NINJ2: variants seen among roughly 807,000 people sequenced by gnomAD.
NINJ2 encodes the protein ninjurin 2, also known as ninjurin-2.
NINJ2 carries 12 observed loss-of-function variants against 11.7 expected under a neutral mutation model. The observed-to-expected ratio is 1.02, with a 90% confidence interval of 0.66 to 1.66. NINJ2 has a LOEUF of 1.66. Among genes scored for constraint, NINJ2 ranks in the 40% most tolerant of loss-of-function variants. NINJ2 has a pLI of 0.00. For synonymous variants in NINJ2, 93 were observed against 76.8 expected, an observed-to-expected ratio of 1.21 and a Z score of -1.10; for missense variants, 187 against 181.8, an observed-to-expected ratio of 1.03 and a Z score of -0.16.
intron 1 of NINJ2, among the ~76,000 whole-genome samples, chr12:652,740 A>G (rs373043731): frequency 6.6e-6 from 1 of 151,916 alleles, no homozygotes; most frequent in Non-Finnish European, 1.5e-5. Context: ...TTGAGGTCAC[A>G]AGTTCAAGAC....
chr12:593,603 T>A (rs1947744274), intron 1 of NINJ2, among the ~76,000 whole-genome samples: 1 of 152,068 alleles, frequency 6.6e-6, no homozygotes, highest in East Asian at 1.9e-4. Context: ...TAGTTCCAGC[T>A]ACTCAAGAGG....
At chr12:609,208 CCA>C (rs1947983611) in intron 1 of NINJ2, among the ~76,000 whole-genome samples, 1 of 129,606 alleles carries the variant, frequency 7.7e-6, no homozygotes, top group African/African-American at 3.0e-5. Context: ...ACGCACGGCG[CCA>C]CGCGCTAGGG....
chr12:590,247 C>T (rs1204255555), intron 1 of NINJ2, among the ~76,000 whole-genome samples: 2 of 152,234 alleles, frequency 1.3e-5, no homozygotes, highest in South Asian at 2.1e-4. Flanking sequence ...GGAAGCGGCT[C>T]GAAGGATGGG....
intron 1 of NINJ2, among the ~76,000 whole-genome samples, chr12:620,365 G>A (rs1948137755): frequency 6.6e-6 from 1 of 152,234 alleles, no homozygotes; most frequent in Non-Finnish European, 1.5e-5. Flanking sequence ...GAAGGGGAGA[G>A]GGTCTCAGAC....
chr12:655,952 A>AATAG (rs570898554), intron 1 of NINJ2, among the ~76,000 whole-genome samples: 2 of 152,004 alleles, frequency 1.3e-5, no homozygotes, highest in African/African-American at 4.8e-5. Flanking sequence ...ATATAAAATA[A>AATAG]ATAGATAGAT....
rs191080347 is a variant in NINJ2, at chr12:637,077, A to G, written c.33+26251T>C. Among the ~76,000 whole-genome samples, 232 of 152,362 alleles carry G rather than the reference A, an allele frequency of 1.5e-3. 1 individual carries two copies. The highest frequency in any genetic ancestry group is 2.6e-3 in the Non-Finnish European group (180 of 68,040). On this transcript the variant is annotated intron_variant, in intron 1 of 3. Coordinates refer to ENST00000305108, the MANE Select transcript of NINJ2 (RefSeq NM_016533.6). ...GAAAGGAAGGAAATTCTGGCCAGGC[A>G]CAGTGGCTCACACCTGTAATCCCAG...
At chr12:654,591 C>T (rs1366569717) in intron 1 of NINJ2, among the ~76,000 whole-genome samples, 1 of 150,514 alleles carries the variant, frequency 6.6e-6, no homozygotes, top group Admixed American at 6.6e-5. Context: ...AGGACTGGTT[C>T]AACATTTGAA....
intron 3 of NINJ2, 53 bp from the exon 4 acceptor site, chr12:564,734 C>G (rs1039023716): frequency 1.3e-5 from 2 of 152,596 alleles, no homozygotes; most frequent in Non-Finnish European, 2.9e-5. Flanking sequence ...GATCAATGCC[C>G]CTCAACCTTC....
intron 1 of NINJ2, among the ~76,000 whole-genome samples, chr12:594,193 T>A (rs1947753890): frequency 6.6e-6 from 1 of 151,472 alleles, no homozygotes; most frequent in Admixed American, 6.6e-5. Context: ...TTGAAAATAA[T>A]AAAGAAAATC....
chr12:607,349 AG>A lies in NINJ2; in HGVS notation c.34-41172del, dbSNP rs1380723637. On this transcript the variant is annotated intron_variant, in intron 1 of 3. Coordinates refer to ENST00000305108, the MANE Select transcript of NINJ2 (RefSeq NM_016533.6). ...TTGACTACATAGTAGGTACTCTGTA[AG>A]GGATGATGATGATGATGATGATGAT... is the stretch of plus-strand genomic sequence containing the variant. Among the ~76,000 whole-genome samples the A allele has an allele frequency of 3.4e-3, 226 of 66,574 alleles. 6 individuals carry two copies. In the South Asian group the frequency reaches 0.054, roughly 16 times the overall value. The allele number at this position is 66,574 out of a possible 152,430, so 43.7% of individuals were successfully genotyped here. A position where few individuals can be genotyped will look rare whatever the true frequency, so the allele number is the denominator to read the frequency against.
chr12:649,994 T>C (rs1369896343), intron 1 of NINJ2, among the ~76,000 whole-genome samples: 1 of 152,184 alleles, frequency 6.6e-6, no homozygotes, highest in East Asian at 1.9e-4. Flanking sequence ...TTTTTTGTTA[T>C]GAATAATATT....
chr12:572,235 C>T (rs903410630), intron 1 of NINJ2, among the ~76,000 whole-genome samples: 3 of 152,198 alleles, frequency 2.0e-5, no homozygotes, highest in Non-Finnish European at 2.9e-5. Flanking sequence ...GAGGCCGCTG[C>T]AGGGCATGGG....
intron 1 of NINJ2, among the ~76,000 whole-genome samples, chr12:612,499 C>A (rs1948046780): frequency 6.6e-6 from 1 of 152,180 alleles, no homozygotes; most frequent in Non-Finnish European, 1.5e-5. Flanking sequence ...CTGAGATTCA[C>A]TGTTGCTATT....
At chr12:616,407 C>T (rs1410829298) in intron 1 of NINJ2, among the ~76,000 whole-genome samples, 2 of 152,198 alleles carry the variant, frequency 1.3e-5, no homozygotes, top group Non-Finnish European at 2.9e-5. Context: ...AGAGAGAGGA[C>T]TGTGTGTAGG....
chr12:603,019 T>C (rs1481583654), intron 1 of NINJ2, among the ~76,000 whole-genome samples: 1 of 150,018 alleles, frequency 6.7e-6, no homozygotes, highest in Non-Finnish European at 1.5e-5. Context: ...TTTTTTTTTG[T>C]AGAGATGAGA....
intron 1 of NINJ2, among the ~76,000 whole-genome samples, chr12:574,539 T>TAAA (rs11442110): frequency 2.8e-5 from 4 of 143,392 alleles, no homozygotes; most frequent in Non-Finnish European, 4.6e-5. Flanking sequence ...ATCTCAGGAT[T>TAAA]AAAAAAAAAA....
At chr12:565,161 G>C in intron 3 of NINJ2, 56 bp downstream of exon 3, 1 of 1,433,766 alleles carries the variant, frequency 7.0e-7, no homozygotes, top group Non-Finnish European at 9.4e-7. Flanking sequence ...CCCCAGAGGA[G>C]AGAGAAGGGC....
intron 1 of NINJ2, among the ~76,000 whole-genome samples, chr12:600,104 T>A (rs182809310): frequency 1.4e-4 from 21 of 152,312 alleles, no homozygotes; most frequent in Non-Finnish European, 2.2e-4. Context: ...GGGTCTTGGC[T>A]ACTTCCAAGC....
At chr12:653,173 A>G (rs1725884173) in intron 1 of NINJ2, among the ~76,000 whole-genome samples, 1 of 151,572 alleles carries the variant, frequency 6.6e-6, no homozygotes, top group African/African-American at 2.4e-5. Context: ...GGCACCCGCC[A>G]CCATGCCTGG....
Sources: gnomAD v4.1 joint callset for allele counts (sites outside exome capture counted in the v4.1 genomes callset) on GRCh38, gnomAD v4.1.1 for gene constraint, MANE v1.5 for transcripts, NCBI Gene and HGNC (gene_info 2026-07-23, HGNC 2026-07-21) for gene names.